Variants in SUGP2 observed in about 807,000 individuals in gnomAD.
SUGP2 encodes SURP and G-patch domain-containing protein 2.
Under a neutral mutation model 90.5 loss-of-function variants are expected in SUGP2, and 24 were observed. The ratio of observed to expected loss-of-function variants is 0.27; its 90% CI spans 0.19 to 0.37. The LOEUF is 0.37. SUGP2 is among the 10% of genes least tolerant of loss of function. The pLI, the probability that SUGP2 is intolerant of heterozygous loss-of-function variation, is 1.00. For synonymous variants in SUGP2, 473 were observed against 513.4 expected, an observed-to-expected ratio of 0.92 and a Z score of 1.06; for missense variants, 1,233 against 1,363.3, an observed-to-expected ratio of 0.90 and a Z score of 1.51.
chr19:19,011,461 A>C (rs2058309622), intron 4 of SUGP2, among the ~76,000 whole-genome samples: 1 of 152,112 alleles, frequency 6.6e-6, no homozygotes, highest in Non-Finnish European at 1.5e-5. Flanking sequence ...TATTTCTAAT[A>C]AAGTCACCTG....
rs2058872685 is a variant in SUGP2 at position 19,025,149 on chromosome 19, T to G, written c.1199A>C (p.Asn400Thr). The G allele has an allele frequency of 6.2e-7, 1 of 1,612,602 alleles. No homozygotes were observed. Among genetic ancestry groups the G allele is most frequent in the African/African-American group, 1.3e-5 (1 of 74,830 alleles). ...GTCTAAAAGCATGTTTAAAAACTCA[T>G]TATCAACTCTGGGTGTTTTCAAAGC... ...HSALKTPRVD[N>T]EFLNMLLDKG... The change falls in exon 3 of 11, where the codon AAT becomes ACT. Residue 400 changes from asparagine to threonine, a missense_variant. Physicochemically the swap from Asn to Thr is moderately conservative, Grantham distance 65 (BLOSUM62 0). Around this residue, in one of 8 missense-constraint regions of SUGP2, gnomAD observed 55 missense variants for 82.0 expected, o/e 0.67. Transcript: ENST00000452918.
At chr19:19,001,761 C>T in intron 7 of SUGP2, 87 bp from the exon 8 acceptor site, 2 of 1,390,184 alleles carry the variant, frequency 1.4e-6, no homozygotes, top group Middle Eastern at 1.9e-4. Flanking sequence ...TCTATTTTGG[C>T]TAACAGTTCT....
chr19:19,019,016 T>C (rs1248759594), intron 4 of SUGP2, 93 bp downstream of exon 4: 1 of 1,409,938 alleles, frequency 7.1e-7, no homozygotes, highest in Non-Finnish European at 9.7e-7. Context: ...TGCTCAAGTA[T>C]CTCACCCTCT....
At chr19:19,013,430 A>G (rs1330970205) in intron 4 of SUGP2, among the ~76,000 whole-genome samples, 3 of 151,966 alleles carry the variant, frequency 2.0e-5, no homozygotes, top group African/African-American at 7.3e-5. Flanking sequence ...TTCTCTCTAT[A>G]GTAGTACGGA....
At chr19:19,021,339 T>C (rs1428646519) in intron 3 of SUGP2, among the ~76,000 whole-genome samples, 2 of 152,248 alleles carry the variant, frequency 1.3e-5, no homozygotes, top group African/African-American at 4.8e-5. Context: ...TGTGAGCTCC[T>C]CACACATGAT....
intron 5 of SUGP2, among the ~76,000 whole-genome samples, chr19:19,009,012 A>G (rs1314259255): frequency 1.3e-5 from 2 of 152,160 alleles, no homozygotes; most frequent in African/African-American, 4.8e-5. Context: ...CCCGGGTTCA[A>G]GCGATTCTCC....
At chr19:19,013,240 C>T (rs1478070082) in intron 4 of SUGP2, among the ~76,000 whole-genome samples, 1 of 152,196 alleles carries the variant, frequency 6.6e-6, no homozygotes, top group South Asian at 2.1e-4. Context: ...CCAAGATTCA[C>T]AATCTATATG....
Position 19,004,606 on chromosome 19 carries a change from G to A in SUGP2, c.2491C>T (p.Arg831Ter), listed in dbSNP as rs1018638736. ...DQNSSAFKFY[R>*]KKVFELCPSI... ...GGACATAGTTCAAACACTTTCTTTCGATAGAATTTGAAAGCAGAACTATTT... is the reference window on the plus strand; with the variant it reads ...GGACATAGTTCAAACACTTTCTTTCAATAGAATTTGAAAGCAGAACTATTT... Residue 831 changes from arginine to a stop codon, truncating the protein, a stop_gained, in exon 7 of 11, where the codon CGA (arginine) becomes TGA (stop). Transcript: ENST00000452918. LOFTEE classifies it high-confidence loss of function. The A allele has an allele frequency of 1.9e-6, 3 of 1,612,624 alleles. No homozygotes were observed. Among genetic ancestry groups the A allele is most frequent in the Non-Finnish European group, 2.5e-6 (3 of 1,179,054 alleles).
chr19:19,002,505 GTTTTT>G (rs58282570), intron 7 of SUGP2, among the ~76,000 whole-genome samples: 1 of 61,102 alleles, frequency 1.6e-5, no homozygotes, highest in African/African-American at 6.4e-5. Context: ...TAGCAAGTCT[GTTTTT>G]TTTTTTTTTT....
chr19:19,009,138 C>T (rs917555950), intron 5 of SUGP2, among the ~76,000 whole-genome samples: 1 of 152,136 alleles, frequency 6.6e-6, no homozygotes, highest in Non-Finnish European at 1.5e-5. Context: ...GTTGCGAACT[C>T]CTGAGCTCAG....
intron 3 of SUGP2, among the ~76,000 whole-genome samples, chr19:19,019,520 A>C (rs1305876244): frequency 1.3e-5 from 2 of 152,314 alleles, no homozygotes; most frequent in South Asian, 4.1e-4. Flanking sequence ...TAGCAATTTG[A>C]TATCATTTTT....
intron 4 of SUGP2, among the ~76,000 whole-genome samples, chr19:19,017,010 G>C (rs1031221865): frequency 1.3e-5 from 2 of 152,148 alleles, no homozygotes; most frequent in African/African-American, 2.4e-5. Context: ...TAGGACCAAA[G>C]ACATGGAAAT....
At chr19:18,995,653 A>T (rs2145237041) in intron 8 of SUGP2, among the ~76,000 whole-genome samples, 1 of 152,284 alleles carries the variant, frequency 6.6e-6, no homozygotes, top group South Asian at 2.1e-4. Flanking sequence ...CAGCCCAGGG[A>T]AGAGTGGGGG....
Position 19,008,422 on chromosome 19 carries a change from A to C in SUGP2, c.2345T>G (p.Met782Arg). Residue 782 changes from methionine (M) to arginine (R), a missense_variant, in exon 6 of 11, where the codon ATG becomes AGG. Physicochemically the swap from Met to Arg is moderately conservative, Grantham distance 91. Coordinates refer to ENST00000452918, the MANE Select transcript of SUGP2 (RefSeq NM_001017392.5). ...SSPCPSADID[M>R]KTMETAEKLA... ...TTTCTCTGCAGTCTCCATTGTCTTCATGTCAACTACAAAACATAAAGCACC... is the reference window on the plus strand; with the variant it reads ...TTTCTCTGCAGTCTCCATTGTCTTCCTGTCAACTACAAAACATAAAGCACC... 1 of 1,613,648 alleles carries C rather than the reference A, an allele frequency of 6.2e-7. No homozygotes were observed. Among genetic ancestry groups the C allele is most frequent in the Non-Finnish European group, 8.5e-7 (1 of 1,179,542 alleles).
rs867264011 is a variant in SUGP2, at chr19:18,992,080, C to T, written c.*1661G>A. ...TCCTTTTTTTTTTTTGAGACAGAGT[C>T]TCGCTCTGTTGCCAGGCTGGAGTGC... On this transcript the variant is annotated 3_prime_UTR_variant, in exon 11 of 11. Coordinates refer to ENST00000452918, the MANE Select transcript of SUGP2 (RefSeq NM_001017392.5). 6.6e-6 allele frequency: 1 copy of T among 151,948 alleles called. No individual in the cohort carries two copies. Among genetic ancestry groups the T allele is most frequent in the African/African-American group, 2.4e-5 (1 of 41,306 alleles). The allele number at this position is 151,948 out of a possible 1,614,324, so 9.4% of individuals were successfully genotyped here. A position where few individuals can be genotyped will look rare whatever the true frequency, so the allele number is the denominator to read the frequency against.
chr19:19,033,494 G>C lies in SUGP2; in HGVS notation c.-69C>G. Reference sequence around the variant, plus strand: ...CGCCGCCTCAGGCTCCTCACCCGCCGCCGCCGCCGCGCGAGGCGGGGACAT... The same window carrying C: ...CGCCGCCTCAGGCTCCTCACCCGCCCCCGCCGCCGCGCGAGGCGGGGACAT... On this transcript the variant is annotated 5_prime_UTR_variant, in exon 1 of 11. Coordinates refer to ENST00000452918, the MANE Select transcript of SUGP2 (RefSeq NM_001017392.5). 2 of 1,405,610 alleles carry C rather than the reference G, an allele frequency of 1.4e-6. No homozygotes were observed. The highest frequency in any genetic ancestry group is 1.9e-6 in the Non-Finnish European group (2 of 1,078,638). 87.1% of individuals were successfully genotyped at this position (1,405,610 alleles called of 1,614,324 possible).
chr19:19,003,016 C>T (rs1389995664), intron 7 of SUGP2, among the ~76,000 whole-genome samples: 2 of 151,784 alleles, frequency 1.3e-5, no homozygotes, highest in East Asian at 3.9e-4. Context: ...GCCATCTTGC[C>T]CAGGCTGGTC....
intron 3 of SUGP2, among the ~76,000 whole-genome samples, chr19:19,019,831 C>A (rs1459723977): frequency 3.7e-5 from 5 of 136,810 alleles, no homozygotes; most frequent in Admixed American, 7.4e-5. Context: ...AAATTTTCTC[C>A]AATTAAAAAA....
At chr19:19,009,590 C>T (rs1244956705) in intron 5 of SUGP2, among the ~76,000 whole-genome samples, 1 of 152,168 alleles carries the variant, frequency 6.6e-6, no homozygotes, top group African/African-American at 2.4e-5. Flanking sequence ...GCAGCAGGAC[C>T]CTGTCGGGGA....
Sources: allele counts gnomAD v4.1 joint callset (sites outside exome capture counted in the v4.1 genomes callset), GRCh38; gene constraint gnomAD v4.1.1; regional missense constraint gnomAD v4.1.1; transcripts MANE v1.5; gene names NCBI Gene and HGNC (gene_info 2026-07-23, HGNC 2026-07-21).